The following SYN3 variants were observed in gnomAD, a reference collection of about 807,000 sequenced individuals.
The protein encoded by SYN3 is synapsin III.
A neutral mutation model predicts 65.8 loss-of-function variants in SYN3; 35 were observed. The ratio of observed to expected loss-of-function variants is 0.53; its 90% CI spans 0.41 to 0.70. SYN3 has a LOEUF of 0.70. SYN3 is among the 30% of genes least tolerant of loss of function. The probability of loss-of-function intolerance (pLI) is 0.00; values close to 1 mark genes in which losing one functional copy is unlikely to be tolerated. For missense variants in SYN3, 680 were observed against 749.0 expected, an observed-to-expected ratio of 0.91 and a Z score of 1.08; for synonymous variants, 270 against 292.9, an observed-to-expected ratio of 0.92 and a Z score of 0.80.
chr22:32,665,349 G>A (rs10854624), intron 6 of SYN3, among the ~76,000 whole-genome samples: 9 of 73,450 alleles, frequency 1.2e-4, no homozygotes, highest in African/African-American at 2.7e-4. Context: ...AGCTCCTACT[G>A]ATGAGTGAGG....
chr22:33,028,669 G>GAT (rs1259862047), intron 1 of SYN3, among the ~76,000 whole-genome samples: 51 of 134,350 alleles, frequency 3.8e-4, no homozygotes, highest in Middle Eastern at 4.1e-3. Context: ...TGGTGGTGGT[G>GAT]GTGGTGGTGG....
intron 1 of SYN3, among the ~76,000 whole-genome samples, chr22:33,045,871 C>G (rs1240073696): frequency 3.3e-5 from 5 of 152,000 alleles, no homozygotes; most frequent in Admixed American, 3.3e-4. Context: ...CCCACCTTTC[C>G]CCCACTATGG....
At chr22:32,723,701 A>G (rs1261185545) in intron 6 of SYN3, among the ~76,000 whole-genome samples, 3 of 152,276 alleles carry the variant, frequency 2.0e-5, no homozygotes, top group Non-Finnish European at 4.4e-5. Flanking sequence ...ATGAAAATAG[A>G]GCGGAGTCAT....
intron 3 of SYN3, among the ~76,000 whole-genome samples, chr22:32,946,681 AAAGTAT>A (rs2051123106): frequency 6.6e-6 from 1 of 152,252 alleles, no homozygotes; most frequent in South Asian, 2.1e-4. Context: ...CCTAGAACTT[AAAGTAT>A]AATAAAAAAA....
chr22:32,597,220 T>C, intron 6 of SYN3, among the ~76,000 whole-genome samples: 1 of 141,416 alleles, frequency 7.1e-6, no homozygotes, highest in Non-Finnish European at 1.5e-5. Flanking sequence ...TTTTTTTTTT[T>C]TTTTTTTTTT....
intron 6 of SYN3, among the ~76,000 whole-genome samples, chr22:32,763,845 G>A (rs1304613274): frequency 6.6e-6 from 1 of 152,176 alleles, no homozygotes; most frequent in East Asian, 1.9e-4. Context: ...TCAGGGTATG[G>A]AAAAGCAGGC....
intron 6 of SYN3, among the ~76,000 whole-genome samples, chr22:32,659,241 C>T (rs1369086772): frequency 1.3e-5 from 2 of 152,116 alleles, no homozygotes; most frequent in East Asian, 1.9e-4. Flanking sequence ...CAATAGGGAG[C>T]CATTGATGGT....
At chr22:33,014,349 T>C (rs918962173) in intron 1 of SYN3, 4 of 152,202 alleles carry the variant, frequency 2.6e-5, no homozygotes, top group Admixed American at 6.5e-5. Flanking sequence ...GCAATGAACC[T>C]GGGAGTGCAG....
At chr22:32,605,007 GAAAAAAA>G (rs543726592) in intron 6 of SYN3, among the ~76,000 whole-genome samples, 2 of 91,162 alleles carry the variant, frequency 2.2e-5, no homozygotes, top group African/African-American at 8.8e-5. Flanking sequence ...CTCCATCTCA[GAAAAAAA>G]AAAAAAAAAA....
rs1309605637 is a variant in SYN3, at chr22:32,729,505, G to A, written c.712-132769C>T. ...CTCCAAAGTAACTGGGAACTACAGT[G>A]ATGGGGACTGAAGTCCCGCTACCAC... On this transcript the variant is annotated intron_variant, in intron 6 of 13. Transcript: ENST00000358763. 2.0e-5 allele frequency among the ~76,000 whole-genome samples: 3 copies of A among 152,356 alleles called. No individual in the cohort carries two copies. In the East Asian group the frequency reaches 5.8e-4, roughly 29 times the overall value.
At chr22:32,610,004 C>G (rs1453952450) in intron 6 of SYN3, among the ~76,000 whole-genome samples, 1 of 151,946 alleles carries the variant, frequency 6.6e-6, no homozygotes, top group African/African-American at 2.4e-5. Flanking sequence ...CAATTCAGAC[C>G]AGGTGTGGTG....
At chr22:32,713,626 C>G (rs771528420) in intron 6 of SYN3, among the ~76,000 whole-genome samples, 102 of 152,196 alleles carry the variant, frequency 6.7e-4, no homozygotes, top group Middle Eastern at 3.4e-3. Flanking sequence ...GTCAGGAGAT[C>G]GAGACCATCC....
chr22:32,920,133 C>A (rs1424960356), intron 4 of SYN3, among the ~76,000 whole-genome samples: 2 of 152,170 alleles, frequency 1.3e-5, no homozygotes, highest in African/African-American at 4.8e-5. Context: ...TTCTAATGAG[C>A]GGATGCACAT....
At chr22:32,948,533 G>A (rs1236840970) in intron 3 of SYN3, among the ~76,000 whole-genome samples, 2 of 151,942 alleles carry the variant, frequency 1.3e-5, no homozygotes, top group Non-Finnish European at 2.9e-5. Flanking sequence ...TCAGGAGATC[G>A]AGACCATACT....
chr22:32,520,841 A>G (rs1159080049), intron 12 of SYN3, among the ~76,000 whole-genome samples: 2 of 152,166 alleles, frequency 1.3e-5, no homozygotes, highest in African/African-American at 2.4e-5. Flanking sequence ...AAGCCTTGCC[A>G]TTAACTCGCT....
At chr22:32,791,529 G>GA (rs2046323264) in intron 6 of SYN3, among the ~76,000 whole-genome samples, 1 of 151,848 alleles carries the variant, frequency 6.6e-6, no homozygotes, top group Non-Finnish European at 1.5e-5. Flanking sequence ...ATTCTGGGAA[G>GA]AAAGACCCAT....
At chr22:32,567,262 G>A (rs747413086) in intron 7 of SYN3, among the ~76,000 whole-genome samples, 1 of 152,066 alleles carries the variant, frequency 6.6e-6, no homozygotes, top group Non-Finnish European at 1.5e-5. Context: ...AAGGCCCATC[G>A]GTGGATTGAT....
At position 32,665,698 on chromosome 22, in the gene SYN3, G is replaced by T. The variant is rs907118629; in HGVS notation, c.712-68962C>A. ...CCTTGCTGGCTGCCCTCCCTTAGTC[G>T]CCATCACAGATTCCCCTCTACCTTC... On this transcript the variant is annotated intron_variant, in intron 6 of 13. Coordinates refer to ENST00000358763, the MANE Select transcript of SYN3 (RefSeq NM_003490.4). 9.2e-4 allele frequency among the ~76,000 whole-genome samples: 139 copies of T among 151,872 alleles called. 1 individual carries two copies. The highest frequency in any genetic ancestry group is 3.2e-3 in the African/African-American group (131 of 41,380).
chr22:32,534,085 G>A (rs1169230639), intron 9 of SYN3, among the ~76,000 whole-genome samples, 190 bp from the exon 10 acceptor site: 2 of 152,140 alleles, frequency 1.3e-5, no homozygotes, highest in African/African-American at 2.4e-5. Flanking sequence ...AGTCCAACAC[G>A]CAGAGACAGA....
Sources: gnomAD v4.1 joint callset for allele counts (sites outside exome capture counted in the v4.1 genomes callset) on GRCh38, gnomAD v4.1.1 for gene constraint, MANE v1.5 for transcripts, NCBI Gene and HGNC (gene_info 2026-07-23, HGNC 2026-07-21) for gene names.